SLC9A9: variants seen among roughly 807,000 people sequenced by gnomAD.
The protein encoded by SLC9A9 is sodium/hydrogen exchanger 9.
In SLC9A9, 62 loss-of-function variants were observed where a neutral mutation model predicts 77.8. That is an observed-to-expected ratio of 0.80 (90% CI 0.65 to 0.98). The LOEUF (loss-of-function observed/expected upper bound fraction) is 0.98. Ranked by LOEUF, SLC9A9 falls within the 50% of genes least tolerant of loss-of-function variation. The probability of loss-of-function intolerance (pLI) is 0.00; values close to 1 mark genes in which losing one functional copy is unlikely to be tolerated. For missense variants in SLC9A9, 775 were observed against 774.9 expected (o/e 1.00, Z 0.00); for synonymous variants, 320 against 283.5 (o/e 1.13, Z -1.29).
chr3:143,724,258 A>T (rs1265798857), intron 4 of SLC9A9, among the ~76,000 whole-genome samples: 1 of 152,136 alleles, frequency 6.6e-6, no homozygotes. Flanking sequence ...CCTCATTCAC[A>T]CGCTCTCTCT....
intron 4 of SLC9A9, among the ~76,000 whole-genome samples, chr3:143,726,699 T>C (rs1934664521): frequency 6.6e-6 from 1 of 151,844 alleles, no homozygotes; most frequent in South Asian, 2.1e-4. Context: ...TTCTAAAATG[T>C]ATTGACCCAG....
intron 2 of SLC9A9, among the ~76,000 whole-genome samples, chr3:143,827,928 T>A (rs1559817094): frequency 6.6e-6 from 1 of 152,204 alleles, no homozygotes; most frequent in Non-Finnish European, 1.5e-5. Context: ...CTCCCTGCAC[T>A]CTTTCTAGCA....
chr3:143,417,831 C>T (rs181693128), intron 12 of SLC9A9, among the ~76,000 whole-genome samples: 41 of 152,118 alleles, frequency 2.7e-4, no homozygotes, highest in African/African-American at 9.4e-4. Flanking sequence ...TAACTCCCCC[C>T]ATATGGCCAT....
intron 9 of SLC9A9, chr3:143,504,151 T>G: frequency 2.5e-6 from 1 of 399,222 alleles, no homozygotes; most frequent in South Asian, 2.1e-5. Flanking sequence ...GGCCATGCAG[T>G]TGAGGACAGT....
chr3:143,389,418 CAG>C, intron 12 of SLC9A9, among the ~76,000 whole-genome samples: 1 of 152,200 alleles, frequency 6.6e-6, no homozygotes, highest in South Asian at 2.1e-4. Flanking sequence ...GGCCATTGTG[CAG>C]GACAGGCTCA....
chr3:143,751,090 T>C (rs1376174481), intron 4 of SLC9A9, among the ~76,000 whole-genome samples: 1 of 152,200 alleles, frequency 6.6e-6, no homozygotes, highest in East Asian at 1.9e-4. Flanking sequence ...AGGAAGTCAT[T>C]GTTCATGGGC....
At chr3:143,569,322 TG>T (rs1365011300) in intron 8 of SLC9A9, among the ~76,000 whole-genome samples, 1 of 150,938 alleles carries the variant, frequency 6.6e-6, no homozygotes, top group South Asian at 2.1e-4. Flanking sequence ...AAACATTCGG[TG>T]GAACAATGGA....
intron 12 of SLC9A9, among the ~76,000 whole-genome samples, chr3:143,424,526 C>T (rs1354612099): frequency 6.6e-6 from 1 of 151,886 alleles, no homozygotes; most frequent in African/African-American, 2.4e-5. Context: ...ATCCACCTGC[C>T]TCCGCCTCCC....
chr3:143,729,046 A>C (rs748642803), intron 4 of SLC9A9, among the ~76,000 whole-genome samples: 12 of 152,116 alleles, frequency 7.9e-5, no homozygotes, highest in Non-Finnish European at 1.5e-4. Flanking sequence ...GTGCTTTGCC[A>C]ACACCCAGTT....
chr3:143,286,230 A>C (rs535842396), intron 14 of SLC9A9, among the ~76,000 whole-genome samples: 1 of 152,244 alleles, frequency 6.6e-6, no homozygotes, highest in Non-Finnish European at 1.5e-5. Context: ...GTGCTTTCGA[A>C]GGAGGGTATA....
chr3:143,385,253 T>A (rs1289862313), intron 12 of SLC9A9, among the ~76,000 whole-genome samples: 1 of 152,200 alleles, frequency 6.6e-6, no homozygotes, highest in East Asian at 1.9e-4. Flanking sequence ...TAATTTACTG[T>A]AGGACTAACC....
chr3:143,629,616 GGAGA>G (rs1050767412), intron 6 of SLC9A9, among the ~76,000 whole-genome samples: 2 of 151,320 alleles, frequency 1.3e-5, no homozygotes, highest in African/African-American at 2.4e-5. Context: ...GGGGGGCAAG[GGAGA>G]GAGATCTACT....
Position 143,605,584 on chromosome 3 carries a change from T to G in SLC9A9, c.756-26861A>C, listed in dbSNP as rs555307001. Reference sequence around the variant, plus strand: ...GGCATCGCATATAAAAGATTTAAGCTGTGTGTGGACTAAACAAAGTACATC... The same window carrying G: ...GGCATCGCATATAAAAGATTTAAGCGGTGTGTGGACTAAACAAAGTACATC... On this transcript the variant is annotated intron_variant, in intron 6 of 15. Coordinates refer to ENST00000316549, the MANE Select transcript of SLC9A9 (RefSeq NM_173653.4). 2.5e-3 allele frequency among the ~76,000 whole-genome samples: 374 copies of G among 152,370 alleles called. 1 individual carries two copies. Among genetic ancestry groups the G allele is most frequent in the African/African-American group, 8.8e-3 (366 of 41,580 alleles).
intron 4 of SLC9A9, among the ~76,000 whole-genome samples, chr3:143,763,013 T>C (rs1376350833): frequency 6.6e-6 from 1 of 152,112 alleles, no homozygotes; most frequent in Non-Finnish European, 1.5e-5. Flanking sequence ...GCCTTTGGAC[T>C]CCATTTGTGA....
chr3:143,668,116 T>C (rs2039100303), intron 5 of SLC9A9, among the ~76,000 whole-genome samples: 1 of 151,914 alleles, frequency 6.6e-6, no homozygotes. Flanking sequence ...ATTAAGGAAA[T>C]GTGGCACATA....
intron 6 of SLC9A9, among the ~76,000 whole-genome samples, chr3:143,645,860 G>A (rs1193576675): frequency 6.6e-6 from 1 of 151,846 alleles, no homozygotes; most frequent in Non-Finnish European, 1.5e-5. Context: ...TGTATTTATT[G>A]TCATCCAAGA....
intron 9 of SLC9A9, among the ~76,000 whole-genome samples, chr3:143,551,118 G>A (rs1392412738): frequency 1.3e-5 from 2 of 152,126 alleles, no homozygotes; most frequent in African/African-American, 4.8e-5. Context: ...AATGCTACAT[G>A]AACACTAAGG....
At chr3:143,421,574 T>C (rs2034296646) in intron 12 of SLC9A9, among the ~76,000 whole-genome samples, 1 of 152,138 alleles carries the variant, frequency 6.6e-6, no homozygotes, top group Non-Finnish European at 1.5e-5. Flanking sequence ...GATCATCGTT[T>C]TCACTACAAA....
chr3:143,549,903 G>A (rs2036850860), intron 9 of SLC9A9, among the ~76,000 whole-genome samples: 1 of 152,198 alleles, frequency 6.6e-6, no homozygotes, highest in Admixed American at 6.5e-5. Context: ...GGGAAAGCTA[G>A]TAGTATTCAA....
Sources: allele counts gnomAD v4.1 joint callset (sites outside exome capture counted in the v4.1 genomes callset), GRCh38; gene constraint gnomAD v4.1.1; transcripts MANE v1.5; gene names NCBI Gene and HGNC (gene_info 2026-07-23, HGNC 2026-07-21).